Variants in CDH12 observed in about 807,000 individuals in gnomAD.
The protein encoded by CDH12 is cadherin-12.
In CDH12, 41 loss-of-function variants were observed where a neutral mutation model predicts 74.1. The ratio of observed to expected loss-of-function variants is 0.55; its 90% CI spans 0.43 to 0.72. CDH12 has a LOEUF of 0.72. Among genes scored for constraint, CDH12 ranks in the 30% least tolerant of loss-of-function variants. The probability of loss-of-function intolerance (pLI) is 0.00; values close to 1 mark genes in which losing one functional copy is unlikely to be tolerated. For synonymous variants in CDH12, 399 were observed against 355.0 expected (o/e 1.12, Z -1.39); for missense variants, 945 against 977.2 (o/e 0.97, Z 0.44).
intron 10 of CDH12, among the ~76,000 whole-genome samples, chr5:21,786,006 C>G (rs1426368327): frequency 6.6e-6 from 1 of 152,146 alleles, no homozygotes; most frequent in Non-Finnish European, 1.5e-5. Flanking sequence ...GAGGCTGATA[C>G]AACTGGTGAT....
At chr5:22,578,532 G>A (rs1288776131) in intron 1 of CDH12, among the ~76,000 whole-genome samples, 1 of 152,080 alleles carries the variant, frequency 6.6e-6, no homozygotes, top group Non-Finnish European at 1.5e-5. Flanking sequence ...TTATAAATAT[G>A]CCCAAAGGCT....
intron 6 of CDH12, among the ~76,000 whole-genome samples, chr5:21,907,687 G>C (rs1050094411): frequency 6.6e-6 from 1 of 152,174 alleles, no homozygotes; most frequent in African/African-American, 2.4e-5. Context: ...GCAGGATATT[G>C]GTAGAAATAG....
chr5:22,275,735 G>C (rs1420446389), intron 3 of CDH12, among the ~76,000 whole-genome samples: 1 of 152,150 alleles, frequency 6.6e-6, no homozygotes. Flanking sequence ...CATTTTCAAT[G>C]TGTGACTTCC....
intron 1 of CDH12, among the ~76,000 whole-genome samples, chr5:22,737,319 C>T (rs533556613): frequency 6.6e-6 from 1 of 151,956 alleles, no homozygotes; most frequent in South Asian, 2.1e-4. Context: ...CTGATCCCTA[C>T]CTGATGTTTT....
chr5:22,832,484 G>A (rs761623176), intron 1 of CDH12, among the ~76,000 whole-genome samples: 9 of 152,068 alleles, frequency 5.9e-5, no homozygotes, highest in Non-Finnish European at 1.0e-4. Flanking sequence ...TTAGAGTGTT[G>A]ATTTTGCTCA....
intron 1 of CDH12, among the ~76,000 whole-genome samples, chr5:22,752,163 GT>G (rs1283533609): frequency 1.3e-5 from 2 of 151,942 alleles, no homozygotes; most frequent in Non-Finnish European, 2.9e-5. Context: ...AATTAATATT[GT>G]TTTAGTCATA....
At chr5:22,786,586 C>T (rs1398503745) in intron 1 of CDH12, among the ~76,000 whole-genome samples, 2 of 152,110 alleles carry the variant, frequency 1.3e-5, no homozygotes, top group Non-Finnish European at 2.9e-5. Flanking sequence ...AAACATGGCA[C>T]ATGTGTTATT....
intron 3 of CDH12, among the ~76,000 whole-genome samples, chr5:22,216,331 C>T (rs1039928947): frequency 6.6e-6 from 1 of 151,798 alleles, no homozygotes; most frequent in African/African-American, 2.4e-5. Flanking sequence ...CAGACTTTTC[C>T]TGATCTTGGC....
At chr5:22,726,649 C>G (rs1452302258) in intron 1 of CDH12, among the ~76,000 whole-genome samples, 1 of 151,670 alleles carries the variant, frequency 6.6e-6, no homozygotes, top group Non-Finnish European at 1.5e-5. Context: ...ATATTTTGGC[C>G]ATTGTTATAA....
At chr5:22,769,179 T>C (rs1295767677) in intron 1 of CDH12, among the ~76,000 whole-genome samples, 2 of 152,154 alleles carry the variant, frequency 1.3e-5, no homozygotes, top group Non-Finnish European at 2.9e-5. Context: ...TGTGATGGTG[T>C]TGCCAGAAGA....
intron 1 of CDH12, among the ~76,000 whole-genome samples, chr5:22,511,106 A>G (rs928411756): frequency 1.3e-5 from 2 of 151,982 alleles, no homozygotes; most frequent in Non-Finnish European, 2.9e-5. Context: ...TGTTGGCCAA[A>G]CTGATCTTGA....
At chr5:21,786,079 T>A (rs908245356) in intron 10 of CDH12, among the ~76,000 whole-genome samples, 1 of 152,190 alleles carries the variant, frequency 6.6e-6, no homozygotes, top group Non-Finnish European at 1.5e-5. Context: ...TGAATTTTGC[T>A]AAATCTACTC....
At chr5:22,544,330 G>C (rs1344107363) in intron 1 of CDH12, among the ~76,000 whole-genome samples, 1 of 152,070 alleles carries the variant, frequency 6.6e-6, no homozygotes, top group East Asian at 1.9e-4. Flanking sequence ...GGATAGATTA[G>C]TTCCATATAT....
At chr5:22,848,355 T>G (rs1737400960) in intron 1 of CDH12, among the ~76,000 whole-genome samples, 1 of 152,204 alleles carries the variant, frequency 6.6e-6, no homozygotes, top group Non-Finnish European at 1.5e-5. Context: ...TTTTAGTGAT[T>G]ACATTTTAAC....
At chr5:22,234,062 G>C (rs1752479280) in intron 3 of CDH12, among the ~76,000 whole-genome samples, 1 of 152,028 alleles carries the variant, frequency 6.6e-6, no homozygotes, top group Admixed American at 6.6e-5. Flanking sequence ...TACTATGACA[G>C]TTTTGAATTT....
At chr5:22,702,848 C>A (rs1478164662) in intron 1 of CDH12, among the ~76,000 whole-genome samples, 2 of 152,052 alleles carry the variant, frequency 1.3e-5, no homozygotes, top group Non-Finnish European at 2.9e-5. Context: ...AAATAATGCT[C>A]CAAATTGCAT....
intron 5 of CDH12, among the ~76,000 whole-genome samples, chr5:21,987,761 G>A (rs1220018909): frequency 2.0e-5 from 3 of 152,166 alleles, no homozygotes; most frequent in East Asian, 1.9e-4. Context: ...TGAGCGCCAC[G>A]TTATCTCAAA....
Position 22,590,298 on chromosome 5 carries a change from AAG to A in CDH12, c.-522-84936_-522-84935del, listed in dbSNP as rs554673563. 9.0e-4 allele frequency among the ~76,000 whole-genome samples: 137 copies of A among 152,238 alleles called. 1 individual carries two copies. The highest frequency in any genetic ancestry group is 1.7e-3 in the Admixed American group (26 of 15,286). ...CCTCAAAAATGAAAGCAAAAAGAAA[AAG>A]AGAGAACATTTTTAAAAGTACAAAC... On this transcript the variant is annotated intron_variant, in intron 1 of 14. Transcript: ENST00000382254.
At chr5:21,983,977 T>C (rs187366193) in intron 5 of CDH12, among the ~76,000 whole-genome samples, 187 of 152,290 alleles carry the variant, frequency 1.2e-3, no homozygotes, top group Middle Eastern at 6.8e-3. Flanking sequence ...AAACTCTAAT[T>C]AGTCTGTGTT....
Sources: allele counts gnomAD v4.1 joint callset (sites outside exome capture counted in the v4.1 genomes callset), GRCh38; gene constraint gnomAD v4.1.1; transcripts MANE v1.5; gene names NCBI Gene and HGNC (gene_info 2026-07-23, HGNC 2026-07-21).